CTNNA2: variants seen among roughly 807,000 people sequenced by gnomAD.
CTNNA2 encodes catenin alpha 2, also known as catenin alpha-2.
A neutral mutation model predicts 101.0 loss-of-function variants in CTNNA2; 42 were observed. The ratio of observed to expected loss-of-function variants is 0.42; its 90% CI spans 0.32 to 0.54. The LOEUF (loss-of-function observed/expected upper bound fraction) is 0.54, where lower values mean the gene tolerates loss of function less well. Ranked by LOEUF, CTNNA2 falls within the 20% of genes least tolerant of loss-of-function variation. The pLI is 0.14. For synonymous variants in CTNNA2, 450 were observed against 456.4 expected, an observed-to-expected ratio of 0.99 and a Z score of 0.18; for missense variants, 871 against 1,223.1, an observed-to-expected ratio of 0.71 and a Z score of 4.29.
intron 7 of CTNNA2, among the ~76,000 whole-genome samples, chr2:79,979,041 T>C (rs181963279): frequency 3.0e-4 from 45 of 152,164 alleles, no homozygotes; most frequent in African/African-American, 1.0e-3. Context: ...ACCTGTTGAT[T>C]ATTCAGTGAT....
chr2:79,508,105 C>A (rs1328863502), upstream of CTNNA2, among the ~76,000 whole-genome samples: 2 of 152,156 alleles, frequency 1.3e-5, no homozygotes, highest in Non-Finnish European at 2.9e-5. Flanking sequence ...GTGTGCTATT[C>A]CTCTGGTCAC....
chr2:80,149,561 A>G (rs1486193618), intron 7 of CTNNA2, among the ~76,000 whole-genome samples: 1 of 152,112 alleles, frequency 6.6e-6, no homozygotes. Context: ...CAGCCCTTGT[A>G]GTGCTCCAGG....
At chr2:80,112,641 A>G (rs1701290389) in intron 7 of CTNNA2, among the ~76,000 whole-genome samples, 2 of 152,170 alleles carry the variant, frequency 1.3e-5, no homozygotes, top group African/African-American at 4.8e-5. Context: ...TGAATGATGT[A>G]TAGTCAAGTT....
rs537631498 is a variant in CTNNA2, at chr2:79,840,839, G to A, written c.299-17174G>A. 1.4e-3 allele frequency among the ~76,000 whole-genome samples: 214 copies of A among 151,068 alleles called. 1 individual carries two copies. Among genetic ancestry groups the A allele is most frequent in the Non-Finnish European group, 2.7e-3 (182 of 67,902 alleles). ...GACTGCAGTGGCGTGGCGCGATCTC[G>A]GCTCACTGCAAGCTTCGCCTCCCGG... On this transcript the variant is annotated intron_variant, in intron 3 of 18. Transcript: ENST00000402739.
chr2:80,128,074 A>G (rs1307851910), intron 7 of CTNNA2, among the ~76,000 whole-genome samples: 2 of 152,090 alleles, frequency 1.3e-5, no homozygotes, highest in Non-Finnish European at 2.9e-5. Flanking sequence ...TCTCGGGGGC[A>G]ATGATCAAGA....
At chr2:79,189,956 A>G (rs541857191) in intron 1 of CTNNA2, among the ~76,000 whole-genome samples, 42 of 152,276 alleles carry the variant, frequency 2.8e-4, no homozygotes, top group Non-Finnish European at 5.0e-4. Flanking sequence ...AGCCTGTGTA[A>G]AGTTGAGTCA....
intron 4 of CTNNA2, among the ~76,000 whole-genome samples, chr2:79,443,903 A>ACTCT (rs3979544): frequency 0.015 from 2,093 of 141,860 alleles, 30 homozygotes; most frequent in African/African-American, 0.041. Context: ...TTGTATACAT[A>ACTCT]CTCTCTCTCT....
chr2:79,336,022 CA>C (rs2104422919), intron 3 of CTNNA2, among the ~76,000 whole-genome samples: 1 of 152,226 alleles, frequency 6.6e-6, no homozygotes, highest in East Asian at 1.9e-4. Flanking sequence ...AATCTGCAAA[CA>C]AAACTCCATC....
intron 6 of CTNNA2, among the ~76,000 whole-genome samples, chr2:79,907,323 T>TTATA (rs150788226): frequency 9.9e-4 from 150 of 151,628 alleles, no homozygotes; most frequent in East Asian, 4.6e-3. Flanking sequence ...ATTATATGGA[T>TTATA]TATATATATA....
intron 9 of CTNNA2, among the ~76,000 whole-genome samples, chr2:80,449,267 C>A (rs903896089): frequency 4.3e-4 from 66 of 151,726 alleles, no homozygotes; most frequent in African/African-American, 1.5e-3. Context: ...GATGACAGAG[C>A]AAGACCCTGG....
chr2:79,386,005 T>C (rs1462057475), intron 4 of CTNNA2, among the ~76,000 whole-genome samples: 2 of 152,226 alleles, frequency 1.3e-5, no homozygotes, highest in Admixed American at 6.5e-5. Context: ...TGTGCATGTG[T>C]CTTTATAGTA....
chr2:79,761,157 T>C (rs1234481097), intron 3 of CTNNA2, among the ~76,000 whole-genome samples: 1 of 152,234 alleles, frequency 6.6e-6, no homozygotes, highest in African/African-American at 2.4e-5. Flanking sequence ...GAAATGACGA[T>C]AAGCTGAAAT....
intron 2 of CTNNA2, among the ~76,000 whole-genome samples, chr2:79,718,741 G>T (rs1276390373): frequency 6.6e-6 from 1 of 151,636 alleles, no homozygotes; most frequent in Non-Finnish European, 1.5e-5. Flanking sequence ...GTATAGCAAA[G>T]ATTTTTATCT....
intron 7 of CTNNA2, among the ~76,000 whole-genome samples, chr2:80,216,885 T>C (rs886173607): frequency 5.3e-5 from 8 of 151,266 alleles, no homozygotes; most frequent in Non-Finnish European, 1.2e-4. Flanking sequence ...TCACCCAGGC[T>C]GTAGTGCAGT....
At chr2:80,493,688 C>G (rs1687232283) in intron 9 of CTNNA2, among the ~76,000 whole-genome samples, 1 of 152,174 alleles carries the variant, frequency 6.6e-6, no homozygotes, top group African/African-American at 2.4e-5. Context: ...AATTTACTGT[C>G]TGTTTGCATA....
intron 1 of CTNNA2, among the ~76,000 whole-genome samples, chr2:79,197,709 A>T (rs1249636429): frequency 2.0e-5 from 3 of 152,196 alleles, no homozygotes; most frequent in Non-Finnish European, 2.9e-5. Flanking sequence ...TCATCCATGC[A>T]TCCATGATTA....
chr2:80,104,849 G>GT (rs1700782747), intron 7 of CTNNA2, among the ~76,000 whole-genome samples: 1 of 152,144 alleles, frequency 6.6e-6, no homozygotes, highest in Non-Finnish European at 1.5e-5. Flanking sequence ...TTTTAAACAT[G>GT]TTTCCTCATT....
intron 7 of CTNNA2, among the ~76,000 whole-genome samples, chr2:80,165,502 G>A (rs1472673419): frequency 6.6e-6 from 1 of 152,096 alleles, no homozygotes; most frequent in East Asian, 1.9e-4. Context: ...TTTGTTTCAA[G>A]TGTGTTAGTA....
At chr2:79,630,095 C>A (rs375499756) in intron 1 of CTNNA2, among the ~76,000 whole-genome samples, 3 of 152,300 alleles carry the variant, frequency 2.0e-5, no homozygotes, top group East Asian at 3.9e-4. Flanking sequence ...CCAGTCTTAA[C>A]CTTGCTCACA....
Sources: gnomAD v4.1 joint callset for allele counts (sites outside exome capture counted in the v4.1 genomes callset) on GRCh38, gnomAD v4.1.1 for gene constraint, MANE v1.5 for transcripts, NCBI Gene and HGNC (gene_info 2026-07-23, HGNC 2026-07-21) for gene names.